The following ZDHHC7 variants were observed in gnomAD, a reference collection of about 807,000 sequenced individuals.
The protein encoded by ZDHHC7 is zDHHC palmitoyltransferase 7.
ZDHHC7 carries 12 observed loss-of-function variants against 34.1 expected under a neutral mutation model. That is an observed-to-expected ratio of 0.35 (90% confidence interval 0.23 to 0.57). The LOEUF (loss-of-function observed/expected upper bound fraction) is 0.57. ZDHHC7 is among the 20% of genes least tolerant of loss of function. The pLI is 0.84. For synonymous variants in ZDHHC7, 185 were observed against 155.4 expected (o/e 1.19, Z -1.42); for missense variants, 388 against 402.7 (o/e 0.96, Z 0.31).
intron 3 of ZDHHC7, 130 bp downstream of exon 3, chr16:84,990,174 C>T: frequency 8.9e-7 from 1 of 1,119,022 alleles, no homozygotes; most frequent in Non-Finnish European, 1.3e-6. Flanking sequence ...AAAATGAGCT[C>T]AATCCACCTT....
chr16:85,019,226 G>A, the ZDHHC7 span, among the ~76,000 whole-genome samples: 4 of 152,102 alleles, frequency 2.6e-5, no homozygotes, highest in Admixed American at 6.6e-5. Context: ...TTTACTCCTT[G>A]CCACATCTCA....
chr16:85,025,484 C>A, the ZDHHC7 span, among the ~76,000 whole-genome samples: 1 of 152,132 alleles, frequency 6.6e-6, no homozygotes, highest in Non-Finnish European at 1.5e-5. Context: ...TCTCAGCTCA[C>A]TGCAACCTCT....
the ZDHHC7 span, among the ~76,000 whole-genome samples, chr16:85,021,712 TGAAA>T: frequency 1.1e-4 from 16 of 140,772 alleles, no homozygotes; most frequent in South Asian, 6.6e-4. Flanking sequence ...AGCAAGACTG[TGAAA>T]GAAAGAAAGA....
chr16:85,025,537 G>A, the ZDHHC7 span, among the ~76,000 whole-genome samples: 8,440 of 152,160 alleles, frequency 0.055, 270 homozygotes, highest in Middle Eastern at 0.082. Flanking sequence ...AGCCTCCCGA[G>A]TAGCTGGGAC....
upstream of ZDHHC7, among the ~76,000 whole-genome samples, chr16:85,014,953 T>G (rs1480147744): frequency 2.0e-5 from 3 of 152,102 alleles, no homozygotes; most frequent in Non-Finnish European, 4.4e-5. Flanking sequence ...ACAGGCAGAT[T>G]CAAAGATTTT....
Position 84,976,086 on chromosome 16 carries a change from C to A in ZDHHC7, c.*257G>T. On this transcript the variant is annotated 3_prime_UTR_variant, in exon 8 of 8. Transcript: ENST00000313732. ...TAACCCGAAGTATTCTCCACAGAAGCCCCAGCTCTGCAGGAGGCCACGGCG... is the reference window on the plus strand; with the variant it reads ...TAACCCGAAGTATTCTCCACAGAAGACCCAGCTCTGCAGGAGGCCACGGCG... 2.0e-6 allele frequency: 1 copy of A among 505,598 alleles called. No individual in the cohort carries two copies. The highest frequency in any genetic ancestry group is 3.5e-6 in the Non-Finnish European group (1 of 288,166). The allele number at this position is 505,598 out of a possible 1,614,324, so 31.3% of individuals were successfully genotyped here.
At chr16:85,011,992 C>T (rs890833556), upstream of ZDHHC7, among the ~76,000 whole-genome samples, 1 of 152,170 alleles carries the variant, frequency 6.6e-6, no homozygotes, top group Admixed American at 6.5e-5. Flanking sequence ...TCCTGAGGTC[C>T]GCGGAGCCCC....
rs370588123 is a variant in ZDHHC7, at chr16:84,974,932, A to T, written c.*1411T>A. 1.3e-5 allele frequency: 2 copies of T among 152,676 alleles called. No individual in the cohort carries two copies. Among genetic ancestry groups the T allele is most frequent in the South Asian group, 4.1e-4 (2 of 4,830 alleles). The allele number at this position is 152,676 out of a possible 1,614,324, so 9.5% of individuals were successfully genotyped here. On this transcript the variant is annotated 3_prime_UTR_variant, in exon 8 of 8. Coordinates refer to ENST00000313732, the MANE Select transcript of ZDHHC7 (RefSeq NM_017740.3). ...AAAACAAAAAACAGTTCACAGATGA[A>T]CAGAAAGGCAAAACAATTCCCAGGA...
the ZDHHC7 span, among the ~76,000 whole-genome samples, chr16:85,017,285 A>G: frequency 6.6e-6 from 1 of 152,236 alleles, no homozygotes; most frequent in African/African-American, 2.4e-5. Context: ...ATTAGTCATC[A>G]GGGAAATGAA....
chr16:85,003,371 G>A (rs560465378), intron 1 of ZDHHC7, among the ~76,000 whole-genome samples: 1 of 152,332 alleles, frequency 6.6e-6, no homozygotes, highest in Admixed American at 6.5e-5. Context: ...AGGTGGGGAA[G>A]GCTACAGAGG....
In ZDHHC7 at chr16:84,975,262, GC is replaced by G. The variant is rs942156108; in HGVS notation, c.*1080del. 20 of 152,688 alleles carry G rather than the reference GC, an allele frequency of 1.3e-4. No individual in the cohort carries two copies. The highest frequency in any genetic ancestry group is 4.8e-4 in the African/African-American group (20 of 41,464). 9.5% of individuals were successfully genotyped at this position (152,688 alleles called of 1,614,324 possible). ...TGCCTGCGGTGGCACAGTCGCCCCTGCCAGGGGCTGGCTGCCTCATGGTCCC... is the reference window on the plus strand; with the variant it reads ...TGCCTGCGGTGGCACAGTCGCCCCTGCAGGGGCTGGCTGCCTCATGGTCCC... On this transcript the variant is annotated 3_prime_UTR_variant, in exon 8 of 8. Transcript: ENST00000313732.
chr16:84,982,743 G>A (rs892749588), intron 3 of ZDHHC7, among the ~76,000 whole-genome samples: 3 of 152,244 alleles, frequency 2.0e-5, no homozygotes, highest in South Asian at 2.1e-4. Flanking sequence ...GTCTGGCAAC[G>A]AGGCCGCCCA....
chr16:84,990,630 C>A lies in ZDHHC7; in HGVS notation c.-12G>T, dbSNP rs773186432. The A allele has an allele frequency of 5.0e-6, 8 of 1,610,328 alleles. No individual in the cohort carries two copies. Among genetic ancestry groups the A allele is most frequent in the Non-Finnish European group, 6.8e-6 (8 of 1,177,988 alleles). ...CCTGATGGCTGCATGATTTCCCTGA[C>A]GCACCCTGGGGAGGGGGACGACACA... On this transcript the variant is annotated 5_prime_UTR_variant, in exon 3 of 8. Coordinates refer to ENST00000313732, the MANE Select transcript of ZDHHC7 (RefSeq NM_017740.3).
At chr16:85,023,534 G>C in the ZDHHC7 span, among the ~76,000 whole-genome samples, 1 of 152,178 alleles carries the variant, frequency 6.6e-6, no homozygotes, top group East Asian at 1.9e-4. Context: ...AGGCATGGTA[G>C]TCAAACACAC....
chr16:85,017,684 G>A, the ZDHHC7 span, among the ~76,000 whole-genome samples: 2 of 152,186 alleles, frequency 1.3e-5, no homozygotes, highest in East Asian at 3.8e-4. Context: ...ATACCCGTGG[G>A]CTGGGAGAGA....
At chr16:84,989,253 G>A (rs1027836242) in intron 3 of ZDHHC7, among the ~76,000 whole-genome samples, 6 of 152,160 alleles carry the variant, frequency 3.9e-5, no homozygotes, top group African/African-American at 1.2e-4. Context: ...CCCATTCCCA[G>A]GACAGCTGCC....
At chr16:84,986,328 G>A (rs534074924) in intron 3 of ZDHHC7, among the ~76,000 whole-genome samples, 3 of 152,328 alleles carry the variant, frequency 2.0e-5, no homozygotes, top group East Asian at 1.9e-4. Context: ...CTGGCACAGC[G>A]AGGCCTCGTG....
upstream of ZDHHC7, among the ~76,000 whole-genome samples, chr16:85,014,462 C>T (rs576684488): frequency 2.0e-5 from 3 of 152,270 alleles, no homozygotes; most frequent in South Asian, 6.2e-4. Flanking sequence ...GTCTTTGTGG[C>T]ATCTGGTGTT....
rs528435323 is a variant in ZDHHC7 at position 84,974,462 on chromosome 16, T to G, written c.*1881A>C. On this transcript the variant is annotated 3_prime_UTR_variant, in exon 8 of 8. Transcript: ENST00000313732. ...AAGAACGGGCGCTTTGGAAGCCATT[T>G]GAGAACTGTTAATTGATTACTTTAT... 6.6e-6 allele frequency: 1 copy of G among 152,364 alleles called. No homozygotes were observed. Among genetic ancestry groups the G allele is most frequent in the African/African-American group, 2.4e-5 (1 of 41,568 alleles). 9.4% of individuals were successfully genotyped at this position (152,364 alleles called of 1,614,324 possible). A position where few individuals can be genotyped will look rare whatever the true frequency, so the allele number is the denominator to read the frequency against.
Sources: allele counts gnomAD v4.1 joint callset (sites outside exome capture counted in the v4.1 genomes callset), GRCh38; gene constraint gnomAD v4.1.1; transcripts MANE v1.5; gene names NCBI Gene and HGNC (gene_info 2026-07-23, HGNC 2026-07-21).